ZFYVE16: variants seen among roughly 807,000 people sequenced by gnomAD.
The protein encoded by ZFYVE16 is zinc finger FYVE domain-containing protein 16.
In ZFYVE16, 89 loss-of-function variants were observed where a neutral mutation model predicts 138.1. That is an observed-to-expected ratio of 0.64 (90% confidence interval 0.54 to 0.77). ZFYVE16 has a LOEUF of 0.77. Among genes scored for constraint, ZFYVE16 ranks in the 30% least tolerant of loss-of-function variants. The pLI is 0.00. For synonymous variants in ZFYVE16, 596 were observed against 618.3 expected, an observed-to-expected ratio of 0.96 and a Z score of 0.53; for missense variants, 1,793 against 1,786.7, an observed-to-expected ratio of 1.00 and a Z score of -0.06.
At position 80,472,890 on chromosome 5, in the gene ZFYVE16, G is replaced by C. The variant is rs770591730; in HGVS notation, c.4154G>C (p.Cys1385Ser). The change falls in exon 16 of 19, where the codon TGC (cysteine) becomes TCC (serine). Residue 1385 changes from cysteine to serine, a missense_variant. Around this residue, in one of 2 missense-constraint regions of ZFYVE16, gnomAD observed 498 missense variants for 582.4 expected, o/e 0.86. Coordinates refer to ENST00000505560, the MANE Select transcript of ZFYVE16 (RefSeq NM_001284236.3). ...GACCTGAGAGAATACGTGGATATCT[G>C]CTGGGTAGATGCTGAAGAAAAAGGA... ...AVDLREYVDI[C>S]WVDAEEKGNK... The C allele has an allele frequency of 1.2e-6, 2 of 1,611,270 alleles. No homozygotes were observed. The highest frequency in any genetic ancestry group is 1.7e-6 in the Non-Finnish European group (2 of 1,178,648).
At chr5:80,452,509 G>A (rs1437706549) in intron 11 of ZFYVE16, 1 of 148,026 alleles carries the variant, frequency 6.8e-6, no homozygotes, top group East Asian at 2.0e-4. Flanking sequence ...GATTTGGGAT[G>A]TTCGATATGT....
Position 80,436,784 on chromosome 5 carries a change from A to G in ZFYVE16, c.99A>G (p.Gln33=), listed in dbSNP as rs1299331969. The G allele has an allele frequency of 3.7e-6, 6 of 1,613,318 alleles. No individual in the cohort carries two copies. The highest frequency in any genetic ancestry group is 3.3e-5 in the Admixed American group (2 of 59,830). ...PDEQDYLQDV[Q]NAYDSNHCSV... ...AACAAGATTATCTCCAAGATGTACA[A>G]AATGCATATGATTCTAACCACTGCT... The change falls in exon 4 of 19, where the codon CAA becomes CAG. Residue 33 remains glutamine, a synonymous_variant. Transcript: ENST00000505560.
Position 80,449,707 on chromosome 5 carries a change from A to G in ZFYVE16, c.3220A>G (p.Ile1074Val), listed in dbSNP as rs757522877. The G allele has an allele frequency of 6.3e-7, 1 of 1,591,732 alleles. No homozygotes were observed. Among genetic ancestry groups the G allele is most frequent in the South Asian group, 1.2e-5 (1 of 86,628 alleles). Residue 1074 changes from isoleucine to valine, a missense_variant, in exon 9 of 19, where the codon ATA (isoleucine) becomes GTA (valine). Ile to Val is a conservative substitution (Grantham distance 29). Transcript: ENST00000505560. ...NANLLVNVKF[I>V]FYSSDKYWYF... ...TAATCTACTCGTGAATGTCAAATTC[A>G]TATTTTGTAAGTAATAATTTATCCT...
At chr5:80,430,318 A>C (rs1376330882) in intron 2 of ZFYVE16, among the ~76,000 whole-genome samples, 1 of 151,926 alleles carries the variant, frequency 6.6e-6, no homozygotes, top group South Asian at 2.1e-4. Context: ...TGGAAACTGA[A>C]CAACCTGCTC....
intron 15 of ZFYVE16, among the ~76,000 whole-genome samples, chr5:80,461,947 G>C (rs915064671): frequency 1.3e-5 from 2 of 152,014 alleles, no homozygotes; most frequent in Non-Finnish European, 2.9e-5. Context: ...ACTCCAGCCT[G>C]GGTGAGAGAG....
intron 15 of ZFYVE16, among the ~76,000 whole-genome samples, chr5:80,461,885 T>C (rs1753159029): frequency 6.6e-6 from 1 of 151,928 alleles, no homozygotes; most frequent in Admixed American, 6.6e-5. Flanking sequence ...GTCAAGAGAA[T>C]GGTGTGAACC....
At chr5:80,417,469 A>C (rs1474649627) in intron 1 of ZFYVE16, among the ~76,000 whole-genome samples, 1 of 152,198 alleles carries the variant, frequency 6.6e-6, no homozygotes, top group African/African-American at 2.4e-5. Context: ...TACTACCCTA[A>C]AAAGTCTGTG....
intron 1 of ZFYVE16, among the ~76,000 whole-genome samples, chr5:80,416,182 T>G (rs1434492191): frequency 6.6e-6 from 1 of 151,902 alleles, no homozygotes; most frequent in Non-Finnish European, 1.5e-5. Flanking sequence ...TTTTTTTGCG[T>G]GGGAGATTTG....
In ZFYVE16 at chr5:80,438,733, C is replaced by G. The variant is rs775752938; in HGVS notation, c.2048C>G (p.Thr683Ser). The change falls in exon 4 of 19, where the codon ACC (threonine) becomes AGC (serine). Residue 683 changes from threonine (T) to serine (S), a missense_variant. Transcript: ENST00000505560. ...GAAAGTGAACCCAGCACAGCAGATACCGTTGTTCCAATCACTTGTGCTATA... is the reference window on the plus strand; with the variant it reads ...GAAAGTGAACCCAGCACAGCAGATAGCGTTGTTCCAATCACTTGTGCTATA... ...TIESEPSTAD[T>S]VVPITCAIDS... is the part of the protein sequence containing the mutation. 5 of 1,614,002 alleles carry G rather than the reference C, an allele frequency of 3.1e-6. No individual in the cohort carries two copies. Among genetic ancestry groups the G allele is most frequent in the Non-Finnish European group, 4.2e-6 (5 of 1,180,000 alleles).
In ZFYVE16 at chr5:80,481,068, G is replaced by C. The variant is rs701380; in HGVS notation, c.*3691G>C. Among the ~76,000 whole-genome samples, 117,977 of 152,072 alleles carry C rather than the reference G, an allele frequency of 0.78. 48,883 individuals carry two copies. The highest frequency in any genetic ancestry group is 0.92 in the East Asian group (4,748 of 5,168). On this transcript the variant is annotated 3_prime_UTR_variant, in exon 19 of 19. Transcript: ENST00000505560. ...TTAATTTAATTGCAGTATTCTAAGA[G>C]AGCCTCAGGAAAGATGCAGTAAGAC...
At chr5:80,441,957 A>C in intron 5 of ZFYVE16, 1 of 972,852 alleles carries the variant, frequency 1.0e-6, no homozygotes, top group African/African-American at 1.7e-5. Context: ...TCAAGCAGAG[A>C]GCAAAATAGA....
chr5:80,412,992 T>C (rs968372496), intron 1 of ZFYVE16, among the ~76,000 whole-genome samples: 1 of 151,266 alleles, frequency 6.6e-6, no homozygotes, highest in Non-Finnish European at 1.5e-5. Flanking sequence ...CTGGGCAACA[T>C]AGTGAGACCT....
rs1414558224 is a variant in ZFYVE16, at chr5:80,472,873, A to G, written c.4137A>G (p.Arg1379=). The change falls in exon 16 of 19, where the codon AGA becomes AGG. Residue 1379 remains arginine, a synonymous_variant. Coordinates refer to ENST00000505560, the MANE Select transcript of ZFYVE16 (RefSeq NM_001284236.3). ...GGAAAGTTGATGCAGTAGACCTGAG[A>G]GAATACGTGGATATCTGCTGGGTAG... ...TCGKVDAVDL[R]EYVDICWVDA... is the part of the protein sequence containing the mutation. The G allele has an allele frequency of 6.2e-7, 1 of 1,613,922 alleles. No individual in the cohort carries two copies. Among genetic ancestry groups the G allele is most frequent in the Non-Finnish European group, 8.5e-7 (1 of 1,179,870 alleles).
chr5:80,472,944 A>C, intron 16 of ZFYVE16, 21 bp downstream of exon 16: 4 of 1,563,888 alleles, frequency 2.6e-6, no homozygotes, highest in Non-Finnish European at 3.5e-6. Flanking sequence ...TTTTATTCTA[A>C]AATATAATTG....
intron 2 of ZFYVE16, 127 bp from the exon 3 acceptor site, chr5:80,433,982 C>A: frequency 1.6e-6 from 1 of 618,010 alleles, no homozygotes; most frequent in Non-Finnish European, 2.7e-6. Context: ...ATTGTATATT[C>A]CTTAAAGCAG....
intron 11 of ZFYVE16, chr5:80,451,911 A>T: frequency 4.0e-6 from 2 of 501,494 alleles, no homozygotes; most frequent in Middle Eastern, 5.2e-4. Context: ...CTAGATGTTC[A>T]TAAGTTCTTT....
At chr5:80,441,932 T>G in intron 5 of ZFYVE16, 2 of 985,116 alleles carry the variant, frequency 2.0e-6, no homozygotes, top group African/African-American at 1.7e-5. Context: ...CAGGCACTAT[T>G]CTGCATTCTG....
chr5:80,413,041 G>C (rs1345766066), intron 1 of ZFYVE16, among the ~76,000 whole-genome samples: 1 of 152,054 alleles, frequency 6.6e-6, no homozygotes, highest in Non-Finnish European at 1.5e-5. Context: ...CTGGGTTGTG[G>C]GGCACACACC....
intron 5 of ZFYVE16, chr5:80,440,642 C>T (rs1750569831): frequency 1.1e-6 from 1 of 947,984 alleles, no homozygotes; most frequent in South Asian, 5.0e-5. Flanking sequence ...TCTTGGTGGT[C>T]TTTGAGTTCT....
Sources: allele counts gnomAD v4.1 joint callset (sites outside exome capture counted in the v4.1 genomes callset), GRCh38; gene constraint gnomAD v4.1.1; regional missense constraint gnomAD v4.1.1; transcripts MANE v1.5; gene names NCBI Gene and HGNC (gene_info 2026-07-23, HGNC 2026-07-21).